The following NLGN1 variants were observed in gnomAD, a reference collection of about 807,000 sequenced individuals.
The protein encoded by NLGN1 is neuroligin 1.
Under a neutral mutation model 65.5 loss-of-function variants are expected in NLGN1, and 12 were observed. The observed-to-expected ratio is 0.18, with a 90% CI of 0.12 to 0.30. The LOEUF (loss-of-function observed/expected upper bound fraction) is 0.30, where lower values mean the gene tolerates loss of function less well. NLGN1 is among the 10% of genes least tolerant of loss of function. The pLI, the probability that NLGN1 is intolerant of heterozygous loss-of-function variation, is 1.00. For missense variants in NLGN1, 750 were observed against 1,007.1 expected (o/e 0.74, Z 3.46); for synonymous variants, 350 against 359.5 (o/e 0.97, Z 0.30).
At chr3:173,424,358 A>C (rs1449058173) in intron 1 of NLGN1, among the ~76,000 whole-genome samples, 4 of 152,190 alleles carry the variant, frequency 2.6e-5, no homozygotes, top group Non-Finnish European at 5.9e-5. Context: ...AAATTTCTGC[A>C]GTCAGCTTGG....
At chr3:173,755,389 A>T (rs1221752624) in intron 3 of NLGN1, among the ~76,000 whole-genome samples, 1 of 152,180 alleles carries the variant, frequency 6.6e-6, no homozygotes, top group Non-Finnish European at 1.5e-5. Flanking sequence ...GCTAAAACTT[A>T]CAAAATACTG....
intron 3 of NLGN1, among the ~76,000 whole-genome samples, chr3:173,636,244 T>C (rs946455281): frequency 4.0e-5 from 6 of 151,868 alleles, no homozygotes; most frequent in African/African-American, 1.2e-4. Context: ...CACAGAACTC[T>C]CCATTTGCAC....
At chr3:174,147,701 T>C (rs1469053219) in intron 4 of NLGN1, among the ~76,000 whole-genome samples, 2 of 152,056 alleles carry the variant, frequency 1.3e-5, no homozygotes, top group Non-Finnish European at 2.9e-5. Context: ...AACACATTGC[T>C]CACTGGATCT....
intron 1 of NLGN1, among the ~76,000 whole-genome samples, chr3:173,419,243 G>T (rs1489588898): frequency 2.6e-5 from 4 of 151,220 alleles, no homozygotes; most frequent in Non-Finnish European, 5.9e-5. Context: ...TGGTTTTAGG[G>T]TGAGGGGGCT....
At chr3:174,114,716 C>G (rs1025093995) in intron 4 of NLGN1, among the ~76,000 whole-genome samples, 1 of 152,088 alleles carries the variant, frequency 6.6e-6, no homozygotes, top group African/African-American at 2.4e-5. Flanking sequence ...TGCACTTATA[C>G]ATTATCCGTA....
At chr3:173,902,885 C>A (rs990251988) in intron 4 of NLGN1, among the ~76,000 whole-genome samples, 15 of 152,042 alleles carry the variant, frequency 9.9e-5, no homozygotes, top group African/African-American at 3.6e-4. Context: ...CTAGAAACAG[C>A]ATCAAAGCGA....
intron 4 of NLGN1, among the ~76,000 whole-genome samples, chr3:174,065,598 ATATTCT>A (rs1369075651): frequency 2.0e-5 from 3 of 151,780 alleles, no homozygotes; most frequent in Non-Finnish European, 2.9e-5. Flanking sequence ...CTGCCTCCTG[ATATTCT>A]TGTTCTTGTG....
chr3:173,706,616 C>T (rs1768079885), intron 3 of NLGN1, among the ~76,000 whole-genome samples: 1 of 152,064 alleles, frequency 6.6e-6, no homozygotes, highest in African/African-American at 2.4e-5. Flanking sequence ...AAATCTGCAC[C>T]CTTTGGTTAT....
chr3:174,063,371 T>C (rs1737815397), intron 4 of NLGN1, among the ~76,000 whole-genome samples: 1 of 152,168 alleles, frequency 6.6e-6, no homozygotes, highest in Admixed American at 6.6e-5. Flanking sequence ...CTTGATGCTA[T>C]GGGAAATGAC....
chr3:174,193,478 G>A (rs945586001), intron 4 of NLGN1, among the ~76,000 whole-genome samples: 3 of 152,092 alleles, frequency 2.0e-5, no homozygotes, highest in Non-Finnish European at 4.4e-5. Flanking sequence ...TTTGAACTGC[G>A]AGGTTTCAAG....
Position 173,415,208 on chromosome 3 carries a change from T to A in NLGN1, c.-390+16721T>A, listed in dbSNP as rs188862329. 3.9e-5 allele frequency among the ~76,000 whole-genome samples: 6 copies of A among 152,330 alleles called. No homozygotes were observed. In the East Asian group the frequency reaches 1.2e-3, roughly 29 times the overall value. Reference sequence around the variant, plus strand: ...GTAACTCAGTTGTATGTGGTTAAATTCTGGACCTTTGAGCAAGGCTTTCGG... The same window carrying A: ...GTAACTCAGTTGTATGTGGTTAAATACTGGACCTTTGAGCAAGGCTTTCGG... On this transcript the variant is annotated intron_variant, in intron 1 of 6. Coordinates refer to ENST00000457714, the Ensembl canonical transcript of NLGN1.
intron 4 of NLGN1, among the ~76,000 whole-genome samples, chr3:173,969,191 A>G (rs1344239713): frequency 6.6e-6 from 1 of 152,170 alleles, no homozygotes; most frequent in African/African-American, 2.4e-5. Context: ...AACAAAGGGA[A>G]CCAGAAATAA....
At chr3:173,529,362 TG>T (rs1736170176) in intron 2 of NLGN1, among the ~76,000 whole-genome samples, 1 of 152,152 alleles carries the variant, frequency 6.6e-6, no homozygotes, top group Non-Finnish European at 1.5e-5. Flanking sequence ...TGTGATGGGC[TG>T]GGCAGCCCTG....
chr3:173,975,734 A>ATCAAC (rs1209417306), intron 4 of NLGN1, among the ~76,000 whole-genome samples: 1 of 151,908 alleles, frequency 6.6e-6, no homozygotes, highest in Non-Finnish European at 1.5e-5. Flanking sequence ...TGAGCACCCT[A>ATCAAC]TCAACTCCCT....
At chr3:173,696,781 A>G (rs1295246220) in intron 3 of NLGN1, among the ~76,000 whole-genome samples, 1 of 152,200 alleles carries the variant, frequency 6.6e-6, no homozygotes, top group African/African-American at 2.4e-5. Context: ...GTTGCCCTAC[A>G]TATACAAGAA....
intron 4 of NLGN1, among the ~76,000 whole-genome samples, chr3:173,947,059 ATTTTT>A (rs63224363): frequency 7.4e-6 from 1 of 134,958 alleles, no homozygotes; most frequent in African/African-American, 2.8e-5. Flanking sequence ...AGTTGTTAGG[ATTTTT>A]TTTTTTTTTT....
chr3:174,284,533 A>G (rs1166951152), exon 7 of NLGN1: 1 of 151,404 alleles, frequency 6.6e-6, no homozygotes, highest in Non-Finnish European at 1.5e-5. Flanking sequence ...ATTTATACAA[A>G]GATTACACTA....
At chr3:174,062,602 G>A (rs1332140323) in intron 4 of NLGN1, among the ~76,000 whole-genome samples, 6 of 151,646 alleles carry the variant, frequency 4.0e-5, no homozygotes, top group Non-Finnish European at 8.8e-5. Context: ...TTACATGACA[G>A]CCCTTTAGAA....
chr3:174,239,922 A>G (rs1021681011), intron 4 of NLGN1, among the ~76,000 whole-genome samples: 3 of 152,194 alleles, frequency 2.0e-5, no homozygotes, highest in Non-Finnish European at 4.4e-5. Flanking sequence ...AGCAAAAACA[A>G]TGGATTATCT....
Sources: gnomAD v4.1 joint callset for allele counts (sites outside exome capture counted in the v4.1 genomes callset) on GRCh38, gnomAD v4.1.1 for gene constraint, MANE v1.5 for transcripts, NCBI Gene and HGNC (gene_info 2026-07-23, HGNC 2026-07-21) for gene names.